Variants in ZNF280D observed in about 807,000 individuals in gnomAD.
ZNF280D encodes zinc finger protein 280D.
In ZNF280D, 39 loss-of-function variants were observed where a neutral mutation model predicts 94.7. That is an observed-to-expected ratio of 0.41 (90% CI 0.32 to 0.54). ZNF280D has a LOEUF of 0.54. Among genes scored for constraint, ZNF280D ranks in the 20% least tolerant of loss-of-function variants. ZNF280D has a pLI of 0.22. For missense variants in ZNF280D, 1,090 were observed against 1,149.3 expected (o/e 0.95, Z 0.75); for synonymous variants, 398 against 377.6 (o/e 1.05, Z -0.63).
At chr15:56,675,695 A>G (rs933319438) in intron 13 of ZNF280D, among the ~76,000 whole-genome samples, 22 of 152,052 alleles carry the variant, frequency 1.4e-4, no homozygotes, top group Non-Finnish European at 2.5e-4. Context: ...TTCTACTTTC[A>G]TGATCTTCTC....
chr15:56,729,038 T>G (rs2058758090), intron 1 of ZNF280D, among the ~76,000 whole-genome samples: 1 of 152,134 alleles, frequency 6.6e-6, no homozygotes, highest in Non-Finnish European at 1.5e-5. Flanking sequence ...TCAAGGAGCA[T>G]CTATAGTTAA....
chr15:56,731,164 A>T (rs2058862957), intron 1 of ZNF280D, among the ~76,000 whole-genome samples: 1 of 152,212 alleles, frequency 6.6e-6, no homozygotes, highest in South Asian at 2.1e-4. Context: ...TCACTAAAAC[A>T]TGGAATATGG....
chr15:56,663,611 A>G (rs149482249), intron 16 of ZNF280D, among the ~76,000 whole-genome samples: 19 of 152,350 alleles, frequency 1.2e-4, no homozygotes, highest in Admixed American at 9.1e-4. Flanking sequence ...AGACCTACCC[A>G]ACCCTAAGAG....
intron 12 of ZNF280D, among the ~76,000 whole-genome samples, chr15:56,677,251 C>G (rs920226411): frequency 3.3e-5 from 5 of 152,166 alleles, no homozygotes; most frequent in Non-Finnish European, 7.4e-5. Context: ...TGGAAAAATA[C>G]TTTTGCCAAA....
At chr15:56,676,594 C>G in intron 13 of ZNF280D, 76 bp downstream of exon 13, 1 of 1,320,310 alleles carries the variant, frequency 7.6e-7, no homozygotes, top group Non-Finnish European at 1.0e-6. Context: ...CAGAACAAAT[C>G]TAAAGATTCT....
At chr15:56,720,864 T>C (rs1317025899) in intron 1 of ZNF280D, among the ~76,000 whole-genome samples, 2 of 151,828 alleles carry the variant, frequency 1.3e-5, no homozygotes, top group Non-Finnish European at 2.9e-5. Context: ...CTGTAATTCA[T>C]GTTGTAAACC....
intron 17 of ZNF280D, among the ~76,000 whole-genome samples, chr15:56,655,773 T>C (rs1050985828): frequency 3.9e-5 from 6 of 152,372 alleles, no homozygotes; most frequent in Admixed American, 1.3e-4. Context: ...AATACTAAAA[T>C]GCTTCAGATA....
chr15:56,690,246 G>C (rs1468468845), intron 7 of ZNF280D, among the ~76,000 whole-genome samples: 2 of 152,070 alleles, frequency 1.3e-5, no homozygotes, highest in African/African-American at 4.8e-5. Flanking sequence ...GCCTGGCGTG[G>C]TGACGGGCAC....
chr15:56,634,997 T>C (rs1422040533), intron 21 of ZNF280D, among the ~76,000 whole-genome samples, 198 bp downstream of exon 21: 3 of 152,058 alleles, frequency 2.0e-5, no homozygotes, highest in Non-Finnish European at 2.9e-5. Flanking sequence ...GTTTAAAAGA[T>C]TTAAAAACAA....
At chr15:56,675,245 T>A (rs1566967514) in intron 13 of ZNF280D, among the ~76,000 whole-genome samples, 1 of 151,986 alleles carries the variant, frequency 6.6e-6, no homozygotes, top group Non-Finnish European at 1.5e-5. Flanking sequence ...CACATCTCTA[T>A]CTCACTCTAT....
intron 16 of ZNF280D, among the ~76,000 whole-genome samples, 155 bp downstream of exon 16, chr15:56,666,240 T>C (rs539722584): frequency 6.6e-6 from 1 of 152,352 alleles, no homozygotes; most frequent in South Asian, 2.1e-4. Flanking sequence ...TGCTGAGAAA[T>C]AGGACCAGGC....
At chr15:56,640,484 T>C (rs902767899) in intron 20 of ZNF280D, among the ~76,000 whole-genome samples, 1 of 152,066 alleles carries the variant, frequency 6.6e-6, no homozygotes. Flanking sequence ...ATTGAAAAAT[T>C]TAAAAGTAGG....
intron 6 of ZNF280D, among the ~76,000 whole-genome samples, chr15:56,694,971 T>C (rs777035662): frequency 6.6e-6 from 1 of 152,184 alleles, no homozygotes; most frequent in African/African-American, 2.4e-5. Context: ...ATGATAACAT[T>C]CATTATTGGC....
intron 17 of ZNF280D, among the ~76,000 whole-genome samples, chr15:56,656,967 T>TG (rs1271064847): frequency 2.0e-5 from 3 of 152,080 alleles, no homozygotes; most frequent in Admixed American, 6.6e-5. Flanking sequence ...ATACAATATC[T>TG]GGGGGAAAGC....
chr15:56,709,492 A>T (rs2057625430), intron 1 of ZNF280D, among the ~76,000 whole-genome samples: 1 of 152,204 alleles, frequency 6.6e-6, no homozygotes, highest in Non-Finnish European at 1.5e-5. Context: ...CATTTGACCC[A>T]GCCCTTCCAC....
intron 13 of ZNF280D, among the ~76,000 whole-genome samples, chr15:56,671,134 C>T (rs974321019): frequency 2.6e-5 from 4 of 152,038 alleles, no homozygotes; most frequent in African/African-American, 7.2e-5. Flanking sequence ...TGTCTGCTTA[C>T]TTTGTTGACA....
chr15:56,631,742 T>C lies in ZNF280D; in HGVS notation c.2696A>G (p.Lys899Arg), dbSNP rs2052083968. 1 of 1,614,188 alleles carries C rather than the reference T, an allele frequency of 6.2e-7. No individual in the cohort carries two copies. Among genetic ancestry groups the C allele is most frequent in the Non-Finnish European group, 8.5e-7 (1 of 1,180,010 alleles). The change falls in exon 22 of 22, where the codon AAA (lysine) becomes AGA (arginine). Residue 899 changes from lysine to arginine, a missense_variant. Lys to Arg is a conservative substitution (Grantham distance 26). Transcript: ENST00000267807. Reference sequence around the variant, plus strand: ...ACTAACAGATTCAGGTTCATGTCTTTTTCTCAAAAACTGATCAATGCTTAC... The same window carrying C: ...ACTAACAGATTCAGGTTCATGTCTTCTTCTCAAAAACTGATCAATGCTTAC... ...DNVSIDQFLR[K>R]RHEPESVSSD...
intron 6 of ZNF280D, chr15:56,697,959 T>C (rs931825412): frequency 9.2e-5 from 14 of 152,220 alleles, no homozygotes; most frequent in Admixed American, 8.5e-4. Flanking sequence ...CAGTCTACTA[T>C]GACATGTTGT....
rs188646352 is a variant in ZNF280D, at chr15:56,728,682, G to A, written c.-86+4776C>T. 3.3e-5 allele frequency among the ~76,000 whole-genome samples: 5 copies of A among 152,296 alleles called. No individual in the cohort carries two copies. In the East Asian group the frequency reaches 9.7e-4, roughly 29 times the overall value. On this transcript the variant is annotated intron_variant, in intron 1 of 21. Coordinates refer to ENST00000267807, the MANE Select transcript of ZNF280D (RefSeq NM_017661.4). ...CAGGGTCTTGTATGAAAGTTGCTAA[G>A]TACAGACAGTCTCCAACTTAAGATG...
Sources: allele counts gnomAD v4.1 joint callset (sites outside exome capture counted in the v4.1 genomes callset), GRCh38; gene constraint gnomAD v4.1.1; transcripts MANE v1.5; gene names NCBI Gene and HGNC (gene_info 2026-07-23, HGNC 2026-07-21).